The following SRCIN1 variants were observed in gnomAD, a reference collection of about 807,000 sequenced individuals.
SRCIN1 encodes the protein P130Cas-associated protein.
In SRCIN1, 50 loss-of-function variants were observed where a neutral mutation model predicts 116.2. The observed-to-expected ratio is 0.43, with a 90% CI of 0.34 to 0.54. The LOEUF is 0.54. Ranked by LOEUF, SRCIN1 falls within the 20% of genes least tolerant of loss-of-function variation. The pLI, the probability that SRCIN1 is intolerant of heterozygous loss-of-function variation, is 0.02. For synonymous variants in SRCIN1, 736 were observed against 750.0 expected (o/e 0.98, Z 0.30); for missense variants, 1,446 against 1,672.0 (o/e 0.86, Z 2.36).
At chr17:38,606,172 C>T (rs1909360974), upstream of SRCIN1, among the ~76,000 whole-genome samples, 1 of 151,680 alleles carries the variant, frequency 6.6e-6, no homozygotes, top group South Asian at 2.1e-4. The surrounding 1 kb of genome is among the most constrained non-coding windows in gnomAD (Gnocchi z 5.2). Context: ...CCTTCCCGCG[C>T]CACCTGCTTC....
Position 38,558,421 on chromosome 17 carries a change from G to T in SRCIN1, c.2026-19C>A, listed in dbSNP as rs777524721. On this transcript the variant is annotated intron_variant, in intron 10 of 18. Coordinates refer to ENST00000617146, the MANE Select transcript of SRCIN1 (RefSeq NM_025248.3). This position sits in a 1 kb window ranked among gnomAD's most constrained non-coding sequence, Gnocchi z 4.6. ...TCTGTAGCTGCGGGACGCACGGACGGATGGACCCGGGTGGGGGGAGCGGAG... is the reference window on the plus strand; with the variant it reads ...TCTGTAGCTGCGGGACGCACGGACGTATGGACCCGGGTGGGGGGAGCGGAG... 1 of 1,576,786 alleles carries T rather than the reference G, an allele frequency of 6.3e-7. No individual in the cohort carries two copies. Among genetic ancestry groups the T allele is most frequent in the South Asian group, 1.1e-5 (1 of 88,722 alleles).
Position 38,533,221 on chromosome 17 carries a change from TGGA to T in SRCIN1, c.*73_*75del. 1 of 1,302,796 alleles carries T rather than the reference TGGA, an allele frequency of 7.7e-7. No individual in the cohort carries two copies. Among genetic ancestry groups the T allele is most frequent in the Non-Finnish European group, 9.8e-7 (1 of 1,022,840 alleles). The allele number at this position is 1,302,796 out of a possible 1,614,324, so 80.7% of individuals were successfully genotyped here. On this transcript the variant is annotated 3_prime_UTR_variant, in exon 19 of 19. Coordinates refer to ENST00000617146, the MANE Select transcript of SRCIN1 (RefSeq NM_025248.3). Reference sequence around the variant, plus strand: ...GTCTGGAGAGTAGGGTGGGGTGGGGTGGAGATGAAGGAAGAGAGGGGAGAAATG... The same window carrying T: ...GTCTGGAGAGTAGGGTGGGGTGGGGTGATGAAGGAAGAGAGGGGAGAAATG...
intron 1 of SRCIN1, 53 bp downstream of exon 1, chr17:38,605,631 A>G: frequency 8.0e-7 from 1 of 1,254,176 alleles, no homozygotes. Flanking sequence ...AAACAGAAAT[A>G]CCTTCCACTT....
At chr17:38,543,129 C>T (rs1904853699) in intron 18 of SRCIN1, 1 of 456,764 alleles carries the variant, frequency 2.2e-6, no homozygotes, top group Non-Finnish European at 4.4e-6. Flanking sequence ...CGCGCCTGCT[C>T]ATTAGACCTG....
Position 38,563,831 on chromosome 17 carries a change from G to C in SRCIN1, c.541+287C>G. 3.2e-6 allele frequency: 2 copies of C among 625,390 alleles called. No homozygotes were observed. Among genetic ancestry groups the C allele is most frequent in the Non-Finnish European group, 5.7e-6 (2 of 353,068 alleles). 38.7% of individuals were successfully genotyped at this position (625,390 alleles called of 1,614,324 possible). A position where few individuals can be genotyped will look rare whatever the true frequency, so the allele number is the denominator to read the frequency against. The stretch of plus-strand genomic sequence containing the variant: ...AAGTGAGCTGAGGGAGAGAGAGGTT[G>C]GAGAGAGTTAGAGAAGGGAGATGGG... On this transcript the variant is annotated intron_variant, in intron 4 of 18. Transcript: ENST00000617146. The surrounding 1 kb of genome is among the most constrained non-coding windows in gnomAD (Gnocchi z 5.8).
intron 17 of SRCIN1, among the ~76,000 whole-genome samples, chr17:38,546,903 T>C (rs1448681343): frequency 3.5e-5 from 4 of 113,746 alleles, no homozygotes; most frequent in African/African-American, 9.9e-5. Flanking sequence ...AGGCTCTCCT[T>C]CTCCAGAGCG....
intron 7 of SRCIN1, among the ~76,000 whole-genome samples, chr17:38,560,794 C>A (rs1427952754): frequency 6.6e-6 from 1 of 152,216 alleles, no homozygotes; most frequent in East Asian, 1.9e-4. Context: ...TAGACCAGGA[C>A]AGGAACTGGG....
intron 2 of SRCIN1, among the ~76,000 whole-genome samples, chr17:38,570,941 C>A (rs1293926925): frequency 6.6e-6 from 1 of 152,248 alleles, no homozygotes; most frequent in East Asian, 1.9e-4. Flanking sequence ...AGGCTCTGAT[C>A]TATAGAGCAC....
rs1597906397 is a variant in SRCIN1, at chr17:38,563,789, G to A, written c.542-268C>T. On this transcript the variant is annotated intron_variant, in intron 4 of 18. Coordinates refer to ENST00000617146, the MANE Select transcript of SRCIN1 (RefSeq NM_025248.3). This position sits in a 1 kb window ranked among gnomAD's most constrained non-coding sequence, Gnocchi z 5.8. Reference sequence around the variant, plus strand: ...AATGGAAGTGGGGGCAGAGCAGGTGGGGCGGAAACTGAGGGGAAGTGAGCT... The same window carrying A: ...AATGGAAGTGGGGGCAGAGCAGGTGAGGCGGAAACTGAGGGGAAGTGAGCT... The A allele has an allele frequency of 3.0e-6, 2 of 659,666 alleles. No homozygotes were observed. The highest frequency in any genetic ancestry group is 2.7e-5 in the East Asian group (1 of 36,778). 40.9% of individuals were successfully genotyped at this position (659,666 alleles called of 1,614,324 possible).
At position 38,562,776 on chromosome 17, in the gene SRCIN1, T is replaced by C; in HGVS notation, c.834+51A>G. 6.5e-7 allele frequency: 1 copy of C among 1,537,104 alleles called. No individual in the cohort carries two copies. Among genetic ancestry groups the C allele is most frequent in the Non-Finnish European group, 9.0e-7 (1 of 1,117,026 alleles). ...GACAACTGCCCAGACCCTGCTCCCCTGGACCCCATGTGCCCAGCCTCCCCA... is the reference window on the plus strand; with the variant it reads ...GACAACTGCCCAGACCCTGCTCCCCCGGACCCCATGTGCCCAGCCTCCCCA... On this transcript the variant is annotated intron_variant, in intron 6 of 18. Coordinates refer to ENST00000617146, the MANE Select transcript of SRCIN1 (RefSeq NM_025248.3). The surrounding 1 kb of genome is among the most constrained non-coding windows in gnomAD (Gnocchi z 4.2).
rs186908880 is a variant in SRCIN1, at chr17:38,564,922, G to A, written c.346-609C>T. Among the ~76,000 whole-genome samples, 49 of 152,216 alleles carry A rather than the reference G, an allele frequency of 3.2e-4. No homozygotes were observed. The East Asian group carries it at 7.9e-3, about 25-fold the overall frequency. Reference sequence around the variant, plus strand: ...GAACTCCTCAAAGCCAGCTGGACCCGGATTTGAGACGACCTGCCCAGTGCC... The same window carrying A: ...GAACTCCTCAAAGCCAGCTGGACCCAGATTTGAGACGACCTGCCCAGTGCC... On this transcript the variant is annotated intron_variant, in intron 3 of 18. Transcript: ENST00000617146.
intron 11 of SRCIN1, among the ~76,000 whole-genome samples, chr17:38,553,149 G>A (rs1450010650): frequency 2.6e-5 from 4 of 152,090 alleles, no homozygotes; most frequent in African/African-American, 7.2e-5. Flanking sequence ...CCAGCTACTC[G>A]GGAGGCTAAG....
At chr17:38,536,198 C>G (rs1026228739) in intron 18 of SRCIN1, among the ~76,000 whole-genome samples, 2 of 152,226 alleles carry the variant, frequency 1.3e-5, no homozygotes, top group African/African-American at 2.4e-5. Context: ...TCTTCCCTCC[C>G]GGGAGACTCT....
chr17:38,549,158 TG>T lies in SRCIN1; in HGVS notation c.3014del (p.Pro1005HisfsTer15). The T allele has an allele frequency of 1.6e-6, 2 of 1,219,180 alleles. No homozygotes were observed. Among genetic ancestry groups the T allele is most frequent in the Non-Finnish European group, 1.2e-6 (1 of 859,876 alleles). The allele number at this position is 1,219,180 out of a possible 1,614,324, so 75.5% of individuals were successfully genotyped here. On this transcript the variant is annotated frameshift_variant, in exon 16 of 19. Coordinates refer to ENST00000617146, the MANE Select transcript of SRCIN1 (RefSeq NM_025248.3). LOFTEE classifies it high-confidence loss of function. ...YRTEKPSKSP[P>X]PPPPRRSFPS... ...GGAAGCTCCGGCGGGGAGGGGGCGGTGGGGGCGACTTGGAGGGCTTCTCTGT... is the reference window on the plus strand; with the variant it reads ...GGAAGCTCCGGCGGGGAGGGGGCGGTGGGGCGACTTGGAGGGCTTCTCTGT...
chr17:38,561,957 C>A lies in SRCIN1; in HGVS notation c.1206G>T (p.Leu402=). 1 of 1,467,664 alleles carries A rather than the reference C, an allele frequency of 6.8e-7. No homozygotes were observed. The highest frequency in any genetic ancestry group is 1.3e-5 in the South Asian group (1 of 75,280). 90.9% of individuals were successfully genotyped at this position (1,467,664 alleles called of 1,614,324 possible). ...CCAGGCTCAGACGGCCCTCGTGCAG[C>A]AGCCCGTAGGGGTCAGCATAGAGGC... ...GEGLYADPYG[L]LHEGRLSLAA... Residue 402 remains leucine (L), a synonymous_variant, in exon 7 of 19, where the codon CTG becomes CTT. Coordinates refer to ENST00000617146, the MANE Select transcript of SRCIN1 (RefSeq NM_025248.3).
chr17:38,558,745 C>A lies in SRCIN1; in HGVS notation c.2026-343G>T, dbSNP rs1221659869. Among the ~76,000 whole-genome samples, 2 of 151,668 alleles carry A rather than the reference C, an allele frequency of 1.3e-5. No homozygotes were observed. Among genetic ancestry groups the A allele is most frequent in the African/African-American group, 4.9e-5 (2 of 41,210 alleles). ...GGGTGGTATTGCAGGGGGAGGAGGG[C>A]AAGGTTAAGTTCTGGGGAATATGAG... On this transcript the variant is annotated intron_variant, in intron 10 of 18. Transcript: ENST00000617146. This position sits in a 1 kb window ranked among gnomAD's most constrained non-coding sequence, Gnocchi z 4.6.
rs2040951324 is a variant in SRCIN1, at chr17:38,533,324, C to T, written c.3525G>A (p.Gly1175=). The change falls in exon 19 of 19, where the codon GGG becomes GGA. Residue 1175 remains glycine (G), a synonymous_variant. Transcript: ENST00000617146. ...RTSIPVLTSF[G]ARNSSISF is the part of the protein sequence containing the mutation. ...AGAAGGAGATGGAAGAATTCCTTGC[C>T]CCAAAGGAAGTCAATACAGGGATAG... The T allele has an allele frequency of 6.3e-7, 1 of 1,583,148 alleles. No individual in the cohort carries two copies. Among genetic ancestry groups the T allele is most frequent in the African/African-American group, 1.3e-5 (1 of 74,334 alleles).
rs1177741233 is a variant in SRCIN1, at chr17:38,552,020, G to C, written c.2593C>G (p.Pro865Ala). Residue 865 changes from proline (P) to alanine (A), a missense_variant, in exon 14 of 19, where the codon CCC (proline) becomes GCC (alanine). Pro to Ala is a conservative substitution (Grantham distance 27). Coordinates refer to ENST00000617146, the MANE Select transcript of SRCIN1 (RefSeq NM_025248.3). The surrounding 1 kb of genome is among the most constrained non-coding windows in gnomAD (Gnocchi z 5.3). Reference protein sequence around the residue: ...NKSVDFEMPPPSPPLNLHELS... With the variant: ...NKSVDFEMPPASPPLNLHELS... ...TCATGCAGGTTCAGCGGGGGGCTGG[G>C]GGGTGGCATTTCGAAGTCCACGCTC... is the stretch of plus-strand genomic sequence containing the variant. 1 of 1,613,878 alleles carries C rather than the reference G, an allele frequency of 6.2e-7. No homozygotes were observed. Among genetic ancestry groups the C allele is most frequent in the Admixed American group, 1.7e-5 (1 of 60,032 alleles).
rs556793947 is a variant in SRCIN1 at position 38,604,369 on chromosome 17, A to G, written c.22+1315T>C. On this transcript the variant is annotated intron_variant, in intron 1 of 18. Transcript: ENST00000617146. The surrounding 1 kb of genome is among the most constrained non-coding windows in gnomAD (Gnocchi z 4.3). ...AGAAACCCCCACCCCCAGCTCGGGG[A>G]GCCCACTTTCCTTAAAGTTGGGGTG... 254 of 312,426 alleles carry G rather than the reference A, an allele frequency of 8.1e-4. 2 individuals carry two copies. Among genetic ancestry groups the G allele is most frequent in the African/African-American group, 5.7e-3 (246 of 43,230 alleles). The allele number at this position is 312,426 out of a possible 1,614,324, so 19.4% of individuals were successfully genotyped here. A position where few individuals can be genotyped will look rare whatever the true frequency, so the allele number is the denominator to read the frequency against.
Sources: allele counts gnomAD v4.1 joint callset (sites outside exome capture counted in the v4.1 genomes callset), GRCh38; gene constraint gnomAD v4.1.1; non-coding constraint Gnocchi (gnomAD v3.1); transcripts MANE v1.5; gene names NCBI Gene and HGNC (gene_info 2026-07-23, HGNC 2026-07-21).